The following ZFP64 variants were observed in gnomAD, a reference collection of about 807,000 sequenced individuals.
ZFP64 encodes ZFP64 zinc finger protein.
A neutral mutation model predicts 51.6 loss-of-function variants in ZFP64; 14 were observed. The ratio of observed to expected loss-of-function variants is 0.27; its 90% CI spans 0.18 to 0.42. The LOEUF (loss-of-function observed/expected upper bound fraction) is 0.42, where lower values mean the gene tolerates loss of function less well. Among genes scored for constraint, ZFP64 ranks in the 10% least tolerant of loss-of-function variants. The pLI is 1.00. For missense variants in ZFP64, 754 were observed against 906.8 expected, an observed-to-expected ratio of 0.83 and a Z score of 2.16; for synonymous variants, 375 against 361.4, an observed-to-expected ratio of 1.04 and a Z score of -0.43.
At chr20:52,118,921 C>T (rs562440103) in intron 5 of ZFP64, among the ~76,000 whole-genome samples, 1 of 152,264 alleles carries the variant, frequency 6.6e-6, no homozygotes, top group South Asian at 2.1e-4. Context: ...AGTGAATGGA[C>T]TGCTTCCGGC....
chr20:52,182,676 A>T (rs1370083476), intron 2 of ZFP64, among the ~76,000 whole-genome samples: 2 of 152,212 alleles, frequency 1.3e-5, no homozygotes, highest in South Asian at 2.1e-4. Flanking sequence ...CCATGACTGC[A>T]CTACTGAACT....
chr20:52,143,798 C>T (rs1409682528), intron 5 of ZFP64, among the ~76,000 whole-genome samples: 2 of 142,610 alleles, frequency 1.4e-5, no homozygotes, highest in Non-Finnish European at 3.1e-5. Flanking sequence ...GATCCTTTTG[C>T]CTTGGCCTCC....
intron 5 of ZFP64, among the ~76,000 whole-genome samples, chr20:52,129,577 C>G (rs1276332323): frequency 6.6e-6 from 1 of 152,202 alleles, no homozygotes; most frequent in African/African-American, 2.4e-5. Flanking sequence ...ATTTCCCTCA[C>G]TCCTCCGTTC....
chr20:52,164,887 T>C (rs1480846329), intron 3 of ZFP64, 130 bp from the exon 4 acceptor site: 3 of 765,104 alleles, frequency 3.9e-6, no homozygotes, highest in Middle Eastern at 2.2e-4. Flanking sequence ...AGAGATCTCA[T>C]GTGCCTTCAT....
intron 2 of ZFP64, among the ~76,000 whole-genome samples, chr20:52,183,339 G>C (rs1983743264): frequency 6.6e-6 from 1 of 152,166 alleles, no homozygotes; most frequent in African/African-American, 2.4e-5. Context: ...TGTGGGCCTG[G>C]AAGCCTCCCA....
At chr20:52,148,073 T>C (rs1039541335), downstream of ZFP64, among the ~76,000 whole-genome samples, 2 of 152,218 alleles carry the variant, frequency 1.3e-5, no homozygotes, top group African/African-American at 4.8e-5. Flanking sequence ...TTTTCTTTTT[T>C]GGTGGGGGTG....
chr20:52,137,079 A>G (rs1280611645), intron 5 of ZFP64, among the ~76,000 whole-genome samples: 5 of 152,180 alleles, frequency 3.3e-5, no homozygotes, highest in African/African-American at 1.2e-4. Flanking sequence ...TGGTAATTTG[A>G]TATTGAAGAA....
intron 5 of ZFP64, among the ~76,000 whole-genome samples, chr20:52,156,417 C>A (rs1022766619): frequency 6.6e-6 from 1 of 152,214 alleles, no homozygotes; most frequent in Non-Finnish European, 1.5e-5. Flanking sequence ...CATGACCATG[C>A]GGTCAATCCT....
chr20:52,165,285 T>C, intron 3 of ZFP64: 1 of 456,268 alleles, frequency 2.2e-6, no homozygotes, highest in Non-Finnish European at 4.4e-6. Flanking sequence ...CCTGTGGTTA[T>C]TTAAAAGAAT....
chr20:52,171,645 A>C (rs1364213438), intron 2 of ZFP64, among the ~76,000 whole-genome samples: 1 of 151,726 alleles, frequency 6.6e-6, no homozygotes, highest in Non-Finnish European at 1.5e-5. Flanking sequence ...ACACACCACC[A>C]CACCTGGCTA....
intron 5 of ZFP64, among the ~76,000 whole-genome samples, chr20:52,115,300 T>C (rs1357890604): frequency 2.0e-5 from 3 of 150,620 alleles, no homozygotes; most frequent in Non-Finnish European, 4.4e-5. Flanking sequence ...AAGGCCCACA[T>C]AGATATATAG....
chr20:52,143,027 C>T (rs1375239697), intron 5 of ZFP64, among the ~76,000 whole-genome samples: 1 of 142,202 alleles, frequency 7.0e-6, no homozygotes, highest in Non-Finnish European at 1.6e-5. Context: ...GCTGAAGGCT[C>T]ATATGATTGT....
At chr20:52,126,490 G>C (rs932131018) in intron 5 of ZFP64, among the ~76,000 whole-genome samples, 2 of 152,150 alleles carry the variant, frequency 1.3e-5, no homozygotes, top group African/African-American at 4.8e-5. Flanking sequence ...CTGCTTAAAG[G>C]TAATCTGGGT....
chr20:52,188,962 C>A (rs1046079961), intron 1 of ZFP64, among the ~76,000 whole-genome samples: 1 of 150,784 alleles, frequency 6.6e-6, no homozygotes, highest in Non-Finnish European at 1.5e-5. Context: ...GGCGACAGAG[C>A]GAGACTCCGT....
At chr20:52,145,017 A>T (rs1473584474) in intron 5 of ZFP64, among the ~76,000 whole-genome samples, 1 of 152,248 alleles carries the variant, frequency 6.6e-6, no homozygotes, top group Non-Finnish European at 1.5e-5. Flanking sequence ...CCAAGATAAC[A>T]GAACAGATAA....
chr20:52,098,612 T>A (rs781503401), intron 5 of ZFP64: 2 of 1,613,884 alleles, frequency 1.2e-6, no homozygotes, highest in Middle Eastern at 1.7e-4. Flanking sequence ...TAGTTTTGCT[T>A]AGTTTCTCAT....
intron 5 of ZFP64, among the ~76,000 whole-genome samples, chr20:52,124,113 G>A (rs1979330036): frequency 6.6e-6 from 1 of 150,636 alleles, no homozygotes; most frequent in South Asian, 2.1e-4. Context: ...CTTGCGATCC[G>A]CCTGCCTCGG....
intron 5 of ZFP64, chr20:52,105,474 T>G: frequency 5.7e-6 from 4 of 700,106 alleles, no homozygotes; most frequent in Non-Finnish European, 7.9e-6. Context: ...ACCTGGGAGC[T>G]CGTTAGAAAT....
intron 5 of ZFP64, among the ~76,000 whole-genome samples, chr20:52,109,826 A>G (rs1457533974): frequency 2.0e-5 from 3 of 151,572 alleles, no homozygotes. Context: ...TGCTAATTTT[A>G]AACACGTAGA....
Sources: allele counts gnomAD v4.1 joint callset (sites outside exome capture counted in the v4.1 genomes callset), GRCh38; gene constraint gnomAD v4.1.1; transcripts MANE v1.5; gene names NCBI Gene and HGNC (gene_info 2026-07-23, HGNC 2026-07-21).